SLC1A3: variants seen among roughly 807,000 people sequenced by gnomAD.
The protein encoded by SLC1A3 is solute carrier family 1 member 3, also known as excitatory amino acid transporter 1.
A neutral mutation model predicts 48.1 loss-of-function variants in SLC1A3; 21 were observed. That is an observed-to-expected ratio of 0.44 (90% CI 0.31 to 0.63). The LOEUF is 0.63. SLC1A3 is among the 20% of genes least tolerant of loss of function. SLC1A3 has a pLI of 0.08. For missense variants in SLC1A3, 546 were observed against 689.0 expected (o/e 0.79, Z 2.32); for synonymous variants, 239 against 251.4 (o/e 0.95, Z 0.47).
At chr5:36,670,230 C>T (rs555777497) in intron 3 of SLC1A3, among the ~76,000 whole-genome samples, 1 of 152,234 alleles carries the variant, frequency 6.6e-6, no homozygotes, top group African/African-American at 2.4e-5. Flanking sequence ...GACACCTTGC[C>T]TGAGGCAGAC....
chr5:36,627,795 G>A (rs963508170), intron 2 of SLC1A3, among the ~76,000 whole-genome samples: 4 of 152,192 alleles, frequency 2.6e-5, no homozygotes, highest in African/African-American at 9.7e-5. Context: ...ACATAAAGGG[G>A]TTAAGAACCT....
chr5:36,639,561 CTGAA>C (rs1469557536), intron 3 of SLC1A3, among the ~76,000 whole-genome samples: 1 of 152,130 alleles, frequency 6.6e-6, no homozygotes, highest in Admixed American at 6.5e-5. Context: ...TAGTCTATTT[CTGAA>C]TGATTGATGA....
chr5:36,643,264 A>G (rs114492791), intron 3 of SLC1A3, among the ~76,000 whole-genome samples: 1 of 152,186 alleles, frequency 6.6e-6, no homozygotes, highest in East Asian at 1.9e-4. Context: ...ACTATTTTAC[A>G]TCCCCAGCAG....
chr5:36,646,788 C>T (rs903531885), intron 3 of SLC1A3, among the ~76,000 whole-genome samples: 6 of 152,162 alleles, frequency 3.9e-5, no homozygotes, highest in African/African-American at 1.4e-4. Flanking sequence ...GTAAGTGGTT[C>T]CTAAGCCTTG....
intron 1 of SLC1A3, among the ~76,000 whole-genome samples, chr5:36,599,634 T>C (rs1579931525): frequency 6.9e-6 from 1 of 145,438 alleles, no homozygotes; most frequent in Admixed American, 7.0e-5. Context: ...CTCAGCCTCC[T>C]GAGTAGCTGG....
intron 3 of SLC1A3, among the ~76,000 whole-genome samples, chr5:36,667,552 C>T (rs755480501): frequency 5.9e-5 from 9 of 152,230 alleles, no homozygotes; most frequent in East Asian, 1.9e-4. Flanking sequence ...TGTGCAATGC[C>T]GGGCAAGTTA....
chr5:36,674,203 G>C, intron 5 of SLC1A3, 112 bp downstream of exon 5: 1 of 884,548 alleles, frequency 1.1e-6, no homozygotes, highest in Non-Finnish European at 1.9e-6. Context: ...CACTTCTCTT[G>C]TCAACCAGAT....
chr5:36,643,522 T>A (rs536608999), intron 3 of SLC1A3, among the ~76,000 whole-genome samples: 1 of 152,288 alleles, frequency 6.6e-6, no homozygotes, highest in African/African-American at 2.4e-5. Context: ...GGCTTTTTGT[T>A]ATTGAATTGT....
chr5:36,620,479 C>T (rs1739617894), intron 2 of SLC1A3, among the ~76,000 whole-genome samples: 1 of 152,188 alleles, frequency 6.6e-6, no homozygotes, highest in Non-Finnish European at 1.5e-5. Flanking sequence ...TTAGGGTAGG[C>T]TACTATGTTC....
Position 36,609,138 on chromosome 5 carries a change from A to G in SLC1A3, c.181+534A>G, listed in dbSNP as rs532825476. The G allele has an allele frequency of 4.1e-6, 4 of 985,920 alleles. No individual in the cohort carries two copies. The African/African-American group carries it at 7.0e-5, about 17-fold the overall frequency. 61.1% of individuals were successfully genotyped at this position (985,920 alleles called of 1,614,324 possible). On this transcript the variant is annotated intron_variant, in intron 2 of 9. Coordinates refer to ENST00000265113, the MANE Select transcript of SLC1A3 (RefSeq NM_004172.5). Reference sequence around the variant, plus strand: ...AGCAACTGGGAAAGGTAGATTGGGGAAAATGTTAACACAGATCTCTTTCAT... The same window carrying G: ...AGCAACTGGGAAAGGTAGATTGGGGGAAATGTTAACACAGATCTCTTTCAT...
At chr5:36,635,363 C>T (rs760004705) in intron 3 of SLC1A3, among the ~76,000 whole-genome samples, 31 of 152,100 alleles carry the variant, frequency 2.0e-4, no homozygotes, top group Non-Finnish European at 4.1e-4. Context: ...TGTCTTCTGG[C>T]GGTTCCCATT....
rs1397714515 is a variant in SLC1A3 at position 36,606,619 on chromosome 5, A to C, written c.-212A>C. The C allele has an allele frequency of 6.6e-6, 1 of 152,318 alleles. No homozygotes were observed. The highest frequency in any genetic ancestry group is 1.5e-5 in the Non-Finnish European group (1 of 68,124). The allele number at this position is 152,318 out of a possible 1,614,324, so 9.4% of individuals were successfully genotyped here. Reference sequence around the variant, plus strand: ...ACTTGCAGTTTCAGAGCACATGCACACTGTCAGGGCTAGCCTGCCTGCTTA... The same window carrying C: ...ACTTGCAGTTTCAGAGCACATGCACCCTGTCAGGGCTAGCCTGCCTGCTTA... On this transcript the variant is annotated 5_prime_UTR_variant, in exon 1 of 10. Coordinates refer to ENST00000265113, the MANE Select transcript of SLC1A3 (RefSeq NM_004172.5).
chr5:36,669,896 A>G (rs565504049), intron 3 of SLC1A3: 1 of 151,960 alleles, frequency 6.6e-6, no homozygotes, highest in South Asian at 2.1e-4. Flanking sequence ...AGAATCTGAT[A>G]CTCGTCATTG....
chr5:36,597,534 G>GC (rs1341258361), intron 1 of SLC1A3, among the ~76,000 whole-genome samples: 8 of 152,024 alleles, frequency 5.3e-5, no homozygotes, highest in African/African-American at 1.9e-4. Flanking sequence ...GAGCCACCGC[G>GC]CCCGGCCCAA....
At chr5:36,685,953 T>C in intron 9 of SLC1A3, 112 bp from the exon 10 acceptor site, 1 of 796,538 alleles carries the variant, frequency 1.3e-6, no homozygotes, top group South Asian at 1.4e-5. Context: ...AGTTGGTAGA[T>C]ACGGCGAACT....
At chr5:36,619,309 GT>G (rs1441061168) in intron 2 of SLC1A3, among the ~76,000 whole-genome samples, 1 of 152,172 alleles carries the variant, frequency 6.6e-6, no homozygotes, top group Non-Finnish European at 1.5e-5. Context: ...TCTTACCCAG[GT>G]AGATTCACCA....
rs376919175 is a variant in SLC1A3 at position 36,680,453 on chromosome 5, C to A, written c.1153C>A (p.Arg385Ser). The change falls in exon 8 of 10, where the codon CGC (arginine) becomes AGC (serine). Residue 385 changes from arginine to serine, a missense_variant. By Grantham distance (110) the Arg-to-Ser change is moderately radical. Around this residue, in one of 3 missense-constraint regions of SLC1A3, gnomAD observed 142 missense variants for 238.0 expected, o/e 0.60. Coordinates refer to ENST00000265113, the MANE Select transcript of SLC1A3 (RefSeq NM_004172.5). ...GGAAGAGAACAATGGCGTGGACAAG[C>A]GCGTCACCAGATTCGTGCTCCCCGT... Reference protein sequence around the residue: ...CLEENNGVDKRVTRFVLPVGA... With the variant: ...CLEENNGVDKSVTRFVLPVGA... 3.1e-6 allele frequency: 5 copies of A among 1,614,174 alleles called. No homozygotes were observed. The highest frequency in any genetic ancestry group is 4.2e-6 in the Non-Finnish European group (5 of 1,180,020).
chr5:36,631,969 A>T (rs756367384), intron 3 of SLC1A3, among the ~76,000 whole-genome samples: 1 of 152,222 alleles, frequency 6.6e-6, no homozygotes, highest in African/African-American at 2.4e-5. Context: ...ATTGCTTTAG[A>T]GTGGAAAGGC....
upstream of SLC1A3, among the ~76,000 whole-genome samples, chr5:36,601,453 TA>T (rs1738806819): frequency 6.6e-6 from 1 of 152,214 alleles, no homozygotes; most frequent in Admixed American, 6.5e-5. Flanking sequence ...TAGTCTAACC[TA>T]GTTTTACGGA....
Sources: gnomAD v4.1 joint callset for allele counts (sites outside exome capture counted in the v4.1 genomes callset) on GRCh38, gnomAD v4.1.1 for gene constraint, gnomAD v4.1.1 regional missense constraint, MANE v1.5 for transcripts, NCBI Gene and HGNC (gene_info 2026-07-23, HGNC 2026-07-21) for gene names.